MIER2: variants seen among roughly 807,000 people sequenced by gnomAD.
MIER2 encodes MIER family member 2, also known as mesoderm induction early response protein 2.
A neutral mutation model predicts 67.6 loss-of-function variants in MIER2; 30 were observed. That is an observed-to-expected ratio of 0.44 (90% confidence interval 0.33 to 0.60). The LOEUF (loss-of-function observed/expected upper bound fraction) is 0.60, where lower values mean the gene tolerates loss of function less well. Ranked by LOEUF, MIER2 falls within the 20% of genes least tolerant of loss-of-function variation. The pLI is 0.02. For missense variants in MIER2, 702 were observed against 745.1 expected (o/e 0.94, Z 0.67); for synonymous variants, 372 against 312.6 (o/e 1.19, Z -2.00).
At chr19:337,610 T>C (rs1223735813) in intron 1 of MIER2, among the ~76,000 whole-genome samples, 1 of 152,170 alleles carries the variant, frequency 6.6e-6, no homozygotes, top group Non-Finnish European at 1.5e-5. Context: ...CTCACGCCTG[T>C]AATCCCAGCA....
intron 1 of MIER2, among the ~76,000 whole-genome samples, chr19:343,552 G>GGA (rs1568241944): frequency 6.6e-6 from 1 of 152,202 alleles, no homozygotes; most frequent in Non-Finnish European, 1.5e-5. Flanking sequence ...GTCACCAGGG[G>GGA]GAGAGAATGG....
At chr19:339,847 G>A (rs903249803) in intron 1 of MIER2, among the ~76,000 whole-genome samples, 2 of 152,142 alleles carry the variant, frequency 1.3e-5, no homozygotes, top group Admixed American at 6.6e-5. Context: ...CCACTAAGGG[G>A]TGTGGGGTTC....
Position 327,227 on chromosome 19 carries a change from C to T in MIER2, c.399G>A (p.Gly133=). The T allele has an allele frequency of 6.3e-7, 1 of 1,585,352 alleles. No homozygotes were observed. Among genetic ancestry groups the T allele is most frequent in the Non-Finnish European group, 8.5e-7 (1 of 1,171,650 alleles). ...KEQIAKDLLS[G]EEEEETQSSA... Reference sequence around the variant, plus strand: ...ATGATTGCGTCTCTTCCTCTTCTTCCCCTGAAAGCAAATCCTTCGCTATTT... The same window carrying T: ...ATGATTGCGTCTCTTCCTCTTCTTCTCCTGAAAGCAAATCCTTCGCTATTT... Residue 133 remains glycine (G), a synonymous_variant, in exon 5 of 14, where the codon GGG becomes GGA. Coordinates refer to ENST00000264819, the MANE Select transcript of MIER2 (RefSeq NM_017550.3).
chr19:329,109 C>T (rs570022231), intron 3 of MIER2, among the ~76,000 whole-genome samples: 40 of 152,226 alleles, frequency 2.6e-4, no homozygotes, highest in East Asian at 1.9e-3. Flanking sequence ...TTCCAACTTC[C>T]GGAACACTCC....
chr19:324,474 T>C (rs1600145789), intron 7 of MIER2, among the ~76,000 whole-genome samples: 2 of 127,190 alleles, frequency 1.6e-5, no homozygotes, highest in East Asian at 4.5e-4. Context: ...CACAATGCAA[T>C]ACACAAGACA....
At chr19:339,531 A>G (rs1056723488) in intron 1 of MIER2, among the ~76,000 whole-genome samples, 1 of 152,260 alleles carries the variant, frequency 6.6e-6, no homozygotes, top group African/African-American at 2.4e-5. Flanking sequence ...CACTTTGGAA[A>G]ATAGTCCAGC....
At chr19:340,349 C>T (rs1333833401) in intron 1 of MIER2, among the ~76,000 whole-genome samples, 1 of 152,182 alleles carries the variant, frequency 6.6e-6, no homozygotes, top group Non-Finnish European at 1.5e-5. Context: ...TCTGACTCCC[C>T]GACACTTGAT....
At chr19:309,073 AT>A (rs965955686) in intron 10 of MIER2, 148 bp from the exon 11 acceptor site, 1 of 1,168,642 alleles carries the variant, frequency 8.6e-7, no homozygotes, top group African/African-American at 1.5e-5. Flanking sequence ...CCCCCGACCC[AT>A]GACCCTAACA....
chr19:324,278 T>C (rs1377608302), intron 7 of MIER2, among the ~76,000 whole-genome samples: 677 of 50,828 alleles, frequency 0.013, no homozygotes, highest in Admixed American at 0.02. Flanking sequence ...ATGACACAGG[T>C]GTCATCACAA....
intron 7 of MIER2, among the ~76,000 whole-genome samples, chr19:324,388 G>A (rs927305171): frequency 4.5e-5 from 6 of 134,286 alleles, no homozygotes; most frequent in South Asian, 2.3e-4. Flanking sequence ...CAGACGACTC[G>A]AATGACACAG....
At chr19:328,246 T>C (rs1462820450) in intron 3 of MIER2, among the ~76,000 whole-genome samples, 1 of 152,036 alleles carries the variant, frequency 6.6e-6, no homozygotes, top group East Asian at 1.9e-4. Context: ...CCACAATGCC[T>C]CCTTGCACAG....
Position 334,541 on chromosome 19 carries a change from C to T in MIER2, c.102G>A (p.Val34=), listed in dbSNP as rs1490073106. The T allele has an allele frequency of 6.2e-7, 1 of 1,613,552 alleles. No individual in the cohort carries two copies. Among genetic ancestry groups the T allele is most frequent in the Non-Finnish European group, 8.5e-7 (1 of 1,179,938 alleles). Residue 34 remains valine, a splice_region_variant and synonymous_variant, in exon 3 of 14, where the codon GTG becomes GTA. Transcript: ENST00000264819. ...PGEPGLQTTA[V]VSMGSGDHQF... ...GATGGTCTCCAGAGCCCATGGACAC[C>T]ACTGGGGAGAAGAGAGCAGCCCAGG... is the stretch of plus-strand genomic sequence containing the variant.
intron 1 of MIER2, among the ~76,000 whole-genome samples, chr19:336,406 A>G (rs1373416431): frequency 2.0e-5 from 3 of 152,244 alleles, no homozygotes; most frequent in Non-Finnish European, 4.4e-5. Flanking sequence ...GTTCTCGCCC[A>G]GGGCAGGACA....
intron 1 of MIER2, among the ~76,000 whole-genome samples, chr19:342,547 A>T (rs1361069192): frequency 2.6e-5 from 4 of 150,976 alleles, no homozygotes; most frequent in Non-Finnish European, 5.9e-5. Context: ...GACCATGAAA[A>T]GCCATGGAGG....
intron 3 of MIER2, among the ~76,000 whole-genome samples, chr19:328,311 A>C (rs1390637202): frequency 6.6e-6 from 1 of 152,132 alleles, no homozygotes; most frequent in East Asian, 1.9e-4. Flanking sequence ...ACAGGAATAC[A>C]AGGATGGTGC....
rs1210740118 is a variant in MIER2, at chr19:312,284, A to T, written c.808-12T>A. 2 of 1,613,190 alleles carry T rather than the reference A, an allele frequency of 1.2e-6. No homozygotes were observed. The highest frequency in any genetic ancestry group is 8.5e-7 in the Non-Finnish European group (1 of 1,179,382). On this transcript the variant is annotated splice_polypyrimidine_tract_variant and intron_variant, in intron 8 of 13. Transcript: ENST00000264819. ...AACTCGTACAGCGCCTGGGGAGAGG[A>T]CATGTTGGCTCTTCCATGGGCTCAG...
Position 327,953 on chromosome 19 carries a change from A to G in MIER2, c.280T>C (p.Tyr94His). ...ATGGGGTCTGACGCCTCGTAGCCAT[A>G]GAGCGCAAGCAGCTCATCAAAGGGC... ...DMPFDELLAL[Y>H]GYEASDPISD... The change falls in exon 4 of 14, where the codon TAT becomes CAT. Residue 94 changes from tyrosine (Y) to histidine (H), a missense_variant. By Grantham distance (83) the Tyr-to-His change is moderately conservative. Transcript: ENST00000264819. 6.2e-7 allele frequency: 1 copy of G among 1,613,122 alleles called. No individual in the cohort carries two copies. The highest frequency in any genetic ancestry group is 8.5e-7 in the Non-Finnish European group (1 of 1,179,522).
chr19:322,116 G>C (rs989366439), intron 7 of MIER2, among the ~76,000 whole-genome samples: 1 of 152,024 alleles, frequency 6.6e-6, no homozygotes, highest in African/African-American at 2.4e-5. Context: ...TGTTAGCCAG[G>C]ATGGTCTCAA....
intron 2 of MIER2, 119 bp from the exon 3 acceptor site, chr19:334,661 C>G (rs563673883): frequency 2.2e-6 from 3 of 1,387,674 alleles, no homozygotes; most frequent in Admixed American, 4.7e-5. Context: ...CTGCCAGGAT[C>G]AGCCTCATGA....
Sources: allele counts gnomAD v4.1 joint callset (sites outside exome capture counted in the v4.1 genomes callset), GRCh38; gene constraint gnomAD v4.1.1; transcripts MANE v1.5; gene names NCBI Gene and HGNC (gene_info 2026-07-23, HGNC 2026-07-21).